Variants in RSRC1 observed in about 807,000 individuals in gnomAD.
The protein encoded by RSRC1 is arginine and serine rich coiled-coil 1.
Under a neutral mutation model 49.1 loss-of-function variants are expected in RSRC1, and 39 were observed. The ratio of observed to expected loss-of-function variants is 0.79; its 90% CI spans 0.61 to 1.04. The LOEUF is 1.04. RSRC1 is among the 50% of genes least tolerant of loss of function. RSRC1 has a pLI of 0.00. For missense variants in RSRC1, 388 were observed against 402.4 expected (o/e 0.96, Z 0.31); for synonymous variants, 143 against 130.8 (o/e 1.09, Z -0.63).
intron 7 of RSRC1, among the ~76,000 whole-genome samples, chr3:158,500,782 A>T (rs1012571235): frequency 6.6e-6 from 1 of 151,998 alleles, no homozygotes; most frequent in East Asian, 1.9e-4. Context: ...TTAATTATCT[A>T]TCAATTTTAT....
At chr3:158,345,755 C>T (rs1176213163) in intron 5 of RSRC1, among the ~76,000 whole-genome samples, 2 of 142,712 alleles carry the variant, frequency 1.4e-5, no homozygotes, top group Non-Finnish European at 3.1e-5. Context: ...GAAAGAGACT[C>T]ATCATATATA....
intron 6 of RSRC1, among the ~76,000 whole-genome samples, chr3:158,440,336 G>C (rs1736314111): frequency 6.6e-6 from 1 of 151,962 alleles, no homozygotes; most frequent in Non-Finnish European, 1.5e-5. Flanking sequence ...TTCTTGGAAA[G>C]ATGATTGCTT....
chr3:158,395,561 C>A (rs759483683), intron 6 of RSRC1, among the ~76,000 whole-genome samples: 1 of 152,086 alleles, frequency 6.6e-6, no homozygotes, highest in South Asian at 2.1e-4. Flanking sequence ...ATGCACCCAA[C>A]AAGTACACAA....
chr3:158,154,378 A>G (rs1240078272), intron 3 of RSRC1, among the ~76,000 whole-genome samples: 2 of 152,072 alleles, frequency 1.3e-5, no homozygotes, highest in Admixed American at 6.6e-5. Flanking sequence ...AGACAACAAT[A>G]AAGTTTGCTA....
intron 4 of RSRC1, among the ~76,000 whole-genome samples, chr3:158,257,698 T>A (rs1342030701): frequency 6.6e-6 from 1 of 152,168 alleles, no homozygotes; most frequent in African/African-American, 2.4e-5. Context: ...TTCTAGGTGT[T>A]TTGTGTCCTC....
chr3:158,397,767 C>G (rs1733691062), intron 6 of RSRC1, among the ~76,000 whole-genome samples: 1 of 152,090 alleles, frequency 6.6e-6, no homozygotes, highest in Admixed American at 6.6e-5. Flanking sequence ...TCTTCTCTTT[C>G]CCTTCTCCCT....
intron 3 of RSRC1, among the ~76,000 whole-genome samples, chr3:158,134,615 G>A (rs1360887460): frequency 1.3e-5 from 2 of 151,906 alleles, no homozygotes. Context: ...ATTCTTTTGC[G>A]GAATTATCAG....
At chr3:158,511,240 A>G (rs539123650) in intron 7 of RSRC1, among the ~76,000 whole-genome samples, 217 of 152,026 alleles carry the variant, frequency 1.4e-3, no homozygotes, top group Non-Finnish European at 1.9e-3. Context: ...ATATCTCCCA[A>G]TGCTATCCCT....
chr3:158,517,978 T>G (rs1740667972), intron 7 of RSRC1, among the ~76,000 whole-genome samples: 1 of 149,416 alleles, frequency 6.7e-6, no homozygotes. Flanking sequence ...TCTTCTGTGT[T>G]AAACTAAATT....
intron 7 of RSRC1, among the ~76,000 whole-genome samples, chr3:158,472,910 C>G (rs7613528): frequency 6.6e-6 from 1 of 152,032 alleles, no homozygotes. Context: ...GACATGAAGT[C>G]CTTGCCCATG....
At chr3:158,168,241 T>C (rs1408819300) in intron 3 of RSRC1, among the ~76,000 whole-genome samples, 2 of 152,184 alleles carry the variant, frequency 1.3e-5, no homozygotes, top group Non-Finnish European at 2.9e-5. Context: ...TGGACTATTA[T>C]TGCCCTTGAT....
intron 4 of RSRC1, among the ~76,000 whole-genome samples, chr3:158,245,919 C>G (rs963597250): frequency 6.6e-6 from 1 of 152,172 alleles, no homozygotes; most frequent in Non-Finnish European, 1.5e-5. Flanking sequence ...AAATTTTCCT[C>G]CATGCCTTTA....
chr3:158,511,585 A>G (rs371884121), intron 7 of RSRC1, among the ~76,000 whole-genome samples: 1 of 151,936 alleles, frequency 6.6e-6, no homozygotes, highest in East Asian at 1.9e-4. Context: ...ATAAACATAC[A>G]TGTGCATGTG....
chr3:158,397,139 A>G (rs1004776097), intron 6 of RSRC1, among the ~76,000 whole-genome samples: 1 of 152,186 alleles, frequency 6.6e-6, no homozygotes, highest in Non-Finnish European at 1.5e-5. Context: ...GTTTATATTA[A>G]ATAACGAGAG....
rs6770009 is a variant in RSRC1 at position 158,421,381 on chromosome 3, A to G, written c.584-39554A>G. On this transcript the variant is annotated intron_variant, in intron 6 of 9. Transcript: ENST00000611884. ...TTCTTTGAGATCCACCTGCCTAAGAAGAATAGATTTGATGGTGATGGTAAA... is the reference window on the plus strand; with the variant it reads ...TTCTTTGAGATCCACCTGCCTAAGAGGAATAGATTTGATGGTGATGGTAAA... 3.8e-3 allele frequency among the ~76,000 whole-genome samples: 579 copies of G among 152,030 alleles called. 5 individuals are homozygous for G. The highest frequency in any genetic ancestry group is 0.013 in the African/African-American group (544 of 41,526).
intron 4 of RSRC1, among the ~76,000 whole-genome samples, chr3:158,239,640 G>A (rs187235765): frequency 3.3e-5 from 5 of 152,050 alleles, no homozygotes; most frequent in African/African-American, 1.2e-4. Context: ...GAGTTAATGG[G>A]TACAGCAAAC....
chr3:158,444,489 C>T (rs574334107), intron 6 of RSRC1, among the ~76,000 whole-genome samples: 2 of 152,094 alleles, frequency 1.3e-5, no homozygotes, highest in Non-Finnish European at 2.9e-5. Context: ...CTTCCTTACA[C>T]CATATACAAA....
chr3:158,116,634 T>C (rs1714842435), intron 1 of RSRC1, among the ~76,000 whole-genome samples: 1 of 152,156 alleles, frequency 6.6e-6, no homozygotes, highest in Non-Finnish European at 1.5e-5. Context: ...CCAGCAGTTT[T>C]GTCCACTATT....
chr3:158,288,953 AAGGCATAGATACC>A (rs1726753352), intron 4 of RSRC1, among the ~76,000 whole-genome samples: 1 of 150,100 alleles, frequency 6.7e-6, no homozygotes, highest in Admixed American at 6.8e-5. Flanking sequence ...TTTAACATCT[AAGGCATAGATACC>A]ATATTTTTTC....
Sources: allele counts gnomAD v4.1 joint callset (sites outside exome capture counted in the v4.1 genomes callset), GRCh38; gene constraint gnomAD v4.1.1; transcripts MANE v1.5; gene names NCBI Gene and HGNC (gene_info 2026-07-23, HGNC 2026-07-21).